Variants in TENM2 observed in about 807,000 individuals in gnomAD.
The protein encoded by TENM2 is teneurin-2.
A neutral mutation model predicts 245.2 loss-of-function variants in TENM2; 52 were observed. The ratio of observed to expected loss-of-function variants is 0.21; its 90% confidence interval spans 0.17 to 0.27. The LOEUF is 0.27. Ranked by LOEUF, TENM2 falls within the 10% of genes least tolerant of loss-of-function variation. The pLI, the probability that TENM2 is intolerant of heterozygous loss-of-function variation, is 1.00. For missense variants in TENM2, 3,046 were observed against 3,666.8 expected (o/e 0.83, Z 4.37); for synonymous variants, 1,363 against 1,438.9 (o/e 0.95, Z 1.19).
chr5:167,091,020 C>A, the TENM2 span, among the ~76,000 whole-genome samples: 3 of 152,144 alleles, frequency 2.0e-5, no homozygotes, highest in Non-Finnish European at 4.4e-5. Flanking sequence ...TTATTATTGG[C>A]CCTATGTTTG....
At chr5:168,161,815 T>TACACACACACAC (rs1159718949) in intron 12 of TENM2, among the ~76,000 whole-genome samples, 2 of 80,614 alleles carry the variant, frequency 2.5e-5, no homozygotes, top group Non-Finnish European at 4.4e-5. Flanking sequence ...TGAGCGCATG[T>TACACACACACAC]ATACACACAC....
At chr5:167,734,423 T>A (rs1468317966) in intron 2 of TENM2, among the ~76,000 whole-genome samples, 1 of 149,980 alleles carries the variant, frequency 6.7e-6, no homozygotes, top group African/African-American at 2.4e-5. Context: ...GGCAAAAGGG[T>A]TGCATCTTTT....
chr5:167,211,083 T>A, the TENM2 span, among the ~76,000 whole-genome samples: 1 of 152,194 alleles, frequency 6.6e-6, no homozygotes, highest in African/African-American at 2.4e-5. Context: ...TTGGAAAAAC[T>A]TTAAGATCTC....
chr5:167,568,944 C>T (rs1031628957), intron 2 of TENM2, among the ~76,000 whole-genome samples: 1 of 151,968 alleles, frequency 6.6e-6, no homozygotes, highest in Admixed American at 6.6e-5. Flanking sequence ...TCTGTGTAAC[C>T]TTAAAAGGAT....
At chr5:167,845,860 A>G (rs1384034694) in intron 2 of TENM2, among the ~76,000 whole-genome samples, 2 of 152,206 alleles carry the variant, frequency 1.3e-5, no homozygotes, top group Non-Finnish European at 2.9e-5. Context: ...CAGAAAGTCA[A>G]CTAAACTTGT....
chr5:167,904,672 C>A (rs1294765289), intron 3 of TENM2, among the ~76,000 whole-genome samples: 2 of 152,100 alleles, frequency 1.3e-5, no homozygotes, highest in Non-Finnish European at 2.9e-5. Flanking sequence ...TCTCATTTCC[C>A]CCTGTGTCTG....
intron 2 of TENM2, among the ~76,000 whole-genome samples, chr5:167,792,808 C>T (rs1025923342): frequency 3.3e-5 from 5 of 151,526 alleles, no homozygotes; most frequent in African/African-American, 7.3e-5. Flanking sequence ...ATGATAATAG[C>T]GGTGTCAGCA....
chr5:167,856,172 G>A (rs1443930264), intron 2 of TENM2, among the ~76,000 whole-genome samples: 2 of 152,090 alleles, frequency 1.3e-5, no homozygotes, highest in Non-Finnish European at 2.9e-5. Flanking sequence ...GGGATCATAG[G>A]AGAAATAAGT....
chr5:167,657,180 T>C (rs1316947777), intron 2 of TENM2, among the ~76,000 whole-genome samples: 3 of 152,286 alleles, frequency 2.0e-5, no homozygotes, highest in African/African-American at 4.8e-5. Context: ...GATCATGTTT[T>C]TGTTTGCTTT....
intron 5 of TENM2, among the ~76,000 whole-genome samples, chr5:168,036,613 G>T (rs1187246237): frequency 3.5e-5 from 5 of 143,058 alleles, no homozygotes; most frequent in Admixed American, 2.1e-4. Context: ...TCTAGCCTGG[G>T]CAACAAGAGC....
chr5:167,820,603 G>A (rs1583095740), intron 2 of TENM2, among the ~76,000 whole-genome samples: 1 of 152,202 alleles, frequency 6.6e-6, no homozygotes, highest in Admixed American at 6.5e-5. Context: ...CTCCGGCTAA[G>A]ATTGGTTAAT....
At chr5:167,055,871 A>AT in the TENM2 span, among the ~76,000 whole-genome samples, 2 of 151,844 alleles carry the variant, frequency 1.3e-5, no homozygotes, top group Admixed American at 6.6e-5. Flanking sequence ...AGACAGTTTT[A>AT]TTTTTTTCAC....
chr5:167,453,821 G>T (rs569602479), intron 2 of TENM2, among the ~76,000 whole-genome samples: 2 of 152,204 alleles, frequency 1.3e-5, no homozygotes, highest in South Asian at 4.1e-4. Context: ...GGTTATTTTG[G>T]CATGCAGGAA....
At chr5:167,358,820 C>T (rs1759512913) in intron 1 of TENM2, among the ~76,000 whole-genome samples, 1 of 83,436 alleles carries the variant, frequency 1.2e-5, no homozygotes, top group South Asian at 3.0e-4. Context: ...CACACACACA[C>T]ACACACACAC....
At chr5:167,970,955 T>C (rs1034484808) in intron 4 of TENM2, among the ~76,000 whole-genome samples, 2 of 151,978 alleles carry the variant, frequency 1.3e-5, no homozygotes, top group Admixed American at 1.3e-4. Flanking sequence ...GCATATTCAG[T>C]ATATGTCTGC....
intron 2 of TENM2, among the ~76,000 whole-genome samples, chr5:167,668,650 A>C (rs1159836210): frequency 1.3e-5 from 2 of 152,178 alleles, no homozygotes; most frequent in African/African-American, 4.8e-5. Flanking sequence ...AATGATGTGG[A>C]AATTTCTGAT....
chr5:167,366,021 A>G (rs1001216542), intron 1 of TENM2, among the ~76,000 whole-genome samples: 2 of 152,100 alleles, frequency 1.3e-5, no homozygotes, highest in African/African-American at 4.8e-5. Flanking sequence ...TAATTTGTAT[A>G]CATAAGGGTA....
intron 2 of TENM2, among the ~76,000 whole-genome samples, chr5:167,389,837 A>C (rs1226354506): frequency 6.6e-6 from 1 of 152,154 alleles, no homozygotes; most frequent in Non-Finnish European, 1.5e-5. Flanking sequence ...CAAATTACGG[A>C]TCGAAATATT....
intron 2 of TENM2, among the ~76,000 whole-genome samples, chr5:167,430,316 G>C (rs995928262): frequency 6.6e-6 from 1 of 152,274 alleles, no homozygotes; most frequent in African/African-American, 2.4e-5. Context: ...TCGTACGGTA[G>C]AGATTAAATA....
Sources: gnomAD v4.1 joint callset for allele counts (sites outside exome capture counted in the v4.1 genomes callset) on GRCh38, gnomAD v4.1.1 for gene constraint, MANE v1.5 for transcripts, NCBI Gene and HGNC (gene_info 2026-07-23, HGNC 2026-07-21) for gene names.